Variants in PCDHGA4 observed in about 807,000 individuals in gnomAD.
PCDHGA4 encodes protocadherin gamma subfamily A, 4.
PCDHGA4 carries 38 observed loss-of-function variants against 54.6 expected under a neutral mutation model. That is an observed-to-expected ratio of 0.70 (90% CI 0.54 to 0.91). The LOEUF is 0.91. Ranked by LOEUF, PCDHGA4 falls within the 40% of genes least tolerant of loss-of-function variation. PCDHGA4 has a pLI of 0.00. For synonymous variants in PCDHGA4, 511 were observed against 512.9 expected (o/e 1.00, Z 0.05); for missense variants, 1,298 against 1,220.9 (o/e 1.06, Z -0.94).
At chr5:141,394,883 ACTCTAT>A in intron 1 of PCDHGA4, 1 of 1,611,724 alleles carries the variant, frequency 6.2e-7, no homozygotes, top group Non-Finnish European at 8.5e-7. Context: ...CGAGCCTTAC[ACTCTAT>A]CTCGTGGTGG....
intron 2 of PCDHGA4, among the ~76,000 whole-genome samples, chr5:141,501,290 T>TACAC (rs55762287): frequency 0.051 from 6,975 of 136,060 alleles, 192 homozygotes; most frequent in African/African-American, 0.071. Context: ...TATTCCCTTA[T>TACAC]ACACACACAC....
intron 1 of PCDHGA4, chr5:141,399,118 A>G: frequency 6.2e-7 from 1 of 1,613,822 alleles, no homozygotes; most frequent in Non-Finnish European, 8.5e-7. Context: ...TACAGTTGAA[A>G]TTAATATTCA....
At chr5:141,380,260 G>A (rs1776331356) in intron 1 of PCDHGA4, among the ~76,000 whole-genome samples, 1 of 152,114 alleles carries the variant, frequency 6.6e-6, no homozygotes, top group South Asian at 2.1e-4. Context: ...AGGGGAAGGA[G>A]TAAAATCTCA....
intron 1 of PCDHGA4, chr5:141,377,128 G>A (rs1175570742): frequency 6.6e-6 from 1 of 152,206 alleles, no homozygotes; most frequent in Admixed American, 6.5e-5. Context: ...TCTTAATTTT[G>A]TGGGGGAAAA....
intron 1 of PCDHGA4, chr5:141,413,618 A>C (rs1188549125): frequency 6.2e-7 from 1 of 1,613,916 alleles, no homozygotes; most frequent in Admixed American, 1.7e-5. Context: ...AAAATTAATG[A>C]AAATGTCGCT....
chr5:141,389,581 G>C, intron 1 of PCDHGA4: 1 of 1,613,202 alleles, frequency 6.2e-7, no homozygotes, highest in East Asian at 2.2e-5. Context: ...CCCGCGCTGG[G>C]TCCCGACGGC....
At position 141,405,128 on chromosome 5, in the gene PCDHGA4, C is replaced by T. The variant is rs373084923; in HGVS notation, c.2514+47507C>T. On this transcript the variant is annotated intron_variant, in intron 1 of 3. Transcript: ENST00000571252. ...GCACTGGCACTCCTCGCATCTGCTG[C>T]GGGCTACCAGTGATGGGTTGGCTGG... is the stretch of plus-strand genomic sequence containing the variant. The T allele has an allele frequency of 4.8e-5, 78 of 1,614,002 alleles. No individual in the cohort carries two copies. The highest frequency in any genetic ancestry group is 2.8e-4 in the African/African-American group (21 of 75,052).
At chr5:141,473,330 C>T (rs1431360397) in intron 1 of PCDHGA4, among the ~76,000 whole-genome samples, 2 of 152,208 alleles carry the variant, frequency 1.3e-5, no homozygotes, top group East Asian at 3.8e-4. Flanking sequence ...TAAGTGCCTG[C>T]TGTGCTAGAC....
At chr5:141,360,333 G>T (rs759219766) in intron 1 of PCDHGA4, 1 of 1,613,972 alleles carries the variant, frequency 6.2e-7, no homozygotes, top group East Asian at 2.2e-5. Context: ...CCCGGAAGCT[G>T]CGGGTTAGCG....
Position 141,431,975 on chromosome 5 carries a change from A to G in PCDHGA4, c.2515-62832A>G. 1 of 1,614,218 alleles carries G rather than the reference A, an allele frequency of 6.2e-7. No individual in the cohort carries two copies. Among genetic ancestry groups the G allele is most frequent in the Non-Finnish European group, 8.5e-7 (1 of 1,180,022 alleles). ...TTACGGAAATTACTATAGTTTAGTC[A>G]CAGACATAGTCTTGGATAGGGAACA... On this transcript the variant is annotated intron_variant, in intron 1 of 3. Transcript: ENST00000571252. The surrounding 1 kb of genome is among the most constrained non-coding windows in gnomAD (Gnocchi z 4.8).
chr5:141,393,553 A>T (rs377510269), intron 1 of PCDHGA4: 1 of 1,613,928 alleles, frequency 6.2e-7, no homozygotes, highest in African/African-American at 1.3e-5. Context: ...CACCCGATTT[A>T]CCGAGTGAAA....
rs1441791773 is a variant in PCDHGA4, at chr5:141,486,038, G to A, written c.2515-8769G>A. The A allele has an allele frequency of 1.9e-6, 3 of 1,614,066 alleles. No individual in the cohort carries two copies. The highest frequency in any genetic ancestry group is 1.1e-5 in the South Asian group (1 of 91,088). On this transcript the variant is annotated intron_variant, in intron 1 of 3. Coordinates refer to ENST00000571252, the MANE Select transcript of PCDHGA4 (RefSeq NM_018917.4). The surrounding 1 kb of genome is among the most constrained non-coding windows in gnomAD (Gnocchi z 5.0). ...TTTCAGTGGTCATACCCCTGATCGT[G>A]TAAGAAACCTCTTTAGCCTGCACCC...
Position 141,356,697 on chromosome 5 carries a change from A to C in PCDHGA4, c.1590A>C (p.Ala530=), listed in dbSNP as rs1760310334. 6.2e-7 allele frequency: 1 copy of C among 1,613,888 alleles called. No individual in the cohort carries two copies. The highest frequency in any genetic ancestry group is 8.5e-7 in the Non-Finnish European group (1 of 1,179,854). Residue 530 remains alanine, a synonymous_variant, in exon 1 of 4, where the codon GCA becomes GCC. Transcript: ENST00000571252. The part of the protein sequence containing the change: ...YSLAEDTFQG[A]PLSSYVSINS... ...TGGCCGAAGACACCTTCCAGGGTGC[A>C]CCTCTGTCCTCCTATGTCTCCATCA...
intron 1 of PCDHGA4, chr5:141,389,112 C>A (rs376966829): frequency 1.5e-5 from 25 of 1,613,966 alleles, no homozygotes; most frequent in Non-Finnish European, 2.0e-5. Context: ...TGTTCTAGAC[C>A]GCGAGCAGAA....
At chr5:141,405,448 C>G in intron 1 of PCDHGA4, 1 of 1,314,742 alleles carries the variant, frequency 7.6e-7, no homozygotes, top group Non-Finnish European at 1.1e-6. Context: ...GAGACAGAGT[C>G]TTACTCTGTT....
chr5:141,460,608 T>A (rs2098993153), intron 1 of PCDHGA4, among the ~76,000 whole-genome samples: 1 of 152,186 alleles, frequency 6.6e-6, no homozygotes, highest in Non-Finnish European at 1.5e-5. Context: ...CTGTGTTAGA[T>A]GGATAGATAG....
intron 1 of PCDHGA4, among the ~76,000 whole-genome samples, chr5:141,450,782 C>G (rs1012152203): frequency 6.6e-6 from 1 of 151,236 alleles, no homozygotes; most frequent in Non-Finnish European, 1.5e-5. Context: ...CCACCGTGCC[C>G]GGACCTCATG....
At chr5:141,417,997 G>T in intron 1 of PCDHGA4, 1 of 1,613,872 alleles carries the variant, frequency 6.2e-7, no homozygotes, top group Non-Finnish European at 8.5e-7. Context: ...AGGGCTCGGT[G>T]GTGGGGAACC....
intron 3 of PCDHGA4, among the ~76,000 whole-genome samples, chr5:141,506,799 A>G (rs1026030023): frequency 5.3e-5 from 8 of 152,198 alleles, no homozygotes; most frequent in Admixed American, 3.9e-4. Flanking sequence ...CTGGCAGAGG[A>G]TCAAGGCATT....
Sources: allele counts gnomAD v4.1 joint callset (sites outside exome capture counted in the v4.1 genomes callset), GRCh38; gene constraint gnomAD v4.1.1; non-coding constraint Gnocchi (gnomAD v3.1); transcripts MANE v1.5; gene names NCBI Gene and HGNC (gene_info 2026-07-23, HGNC 2026-07-21).